Variants in GRM5 observed in about 807,000 individuals in gnomAD.
The protein encoded by GRM5 is glutamate metabotropic receptor 5, also known as metabotropic glutamate receptor 5.
Under a neutral mutation model 83.1 loss-of-function variants are expected in GRM5, and 19 were observed. That is an observed-to-expected ratio of 0.23 (90% CI 0.16 to 0.34). GRM5 has a LOEUF of 0.34. Ranked by LOEUF, GRM5 falls within the 10% of genes least tolerant of loss-of-function variation. GRM5 has a pLI of 1.00. For synonymous variants in GRM5, 675 were observed against 633.6 expected (o/e 1.07, Z -0.98); for missense variants, 1,160 against 1,588.3 (o/e 0.73, Z 4.58).
intron 3 of GRM5, among the ~76,000 whole-genome samples, chr11:88,719,463 T>C (rs953760775): frequency 2.6e-5 from 4 of 152,132 alleles, no homozygotes; most frequent in East Asian, 1.9e-4. Flanking sequence ...CAGTCTATCA[T>C]GATGGGCATT....
At chr11:88,536,992 A>C (rs959041810) in intron 8 of GRM5, among the ~76,000 whole-genome samples, 1 of 152,224 alleles carries the variant, frequency 6.6e-6, no homozygotes, top group African/African-American at 2.4e-5. Context: ...AGAAAGCTTC[A>C]CAATTTGGTC....
intron 3 of GRM5, among the ~76,000 whole-genome samples, chr11:88,839,788 CCTA>C (rs1454588057): frequency 6.6e-6 from 1 of 152,138 alleles, no homozygotes; most frequent in Non-Finnish European, 1.5e-5. Flanking sequence ...CTACTAATGG[CCTA>C]CTGTTGACCC....
chr11:89,052,131 A>G (rs1344312771), intron 1 of GRM5, among the ~76,000 whole-genome samples: 2 of 152,216 alleles, frequency 1.3e-5, no homozygotes, highest in Non-Finnish European at 2.9e-5. Flanking sequence ...TTCTTTTGCA[A>G]ATGCAAAATT....
intron 8 of GRM5, among the ~76,000 whole-genome samples, chr11:88,553,138 A>T (rs776805816): frequency 6.6e-6 from 1 of 152,156 alleles, no homozygotes; most frequent in Non-Finnish European, 1.5e-5. Flanking sequence ...CTGAAGTTGG[A>T]CTTCTGTTGT....
intron 3 of GRM5, among the ~76,000 whole-genome samples, chr11:88,684,166 A>G (rs1024442935): frequency 6.6e-6 from 1 of 152,234 alleles, no homozygotes. Flanking sequence ...CTGGAGCATA[A>G]TGTGCCAAAG....
At chr11:88,912,339 C>T (rs1465773295) in intron 2 of GRM5, among the ~76,000 whole-genome samples, 1 of 151,584 alleles carries the variant, frequency 6.6e-6, no homozygotes, top group African/African-American at 2.4e-5. Context: ...TCCTAAGGAA[C>T]TTTATTCTCT....
intron 2 of GRM5, among the ~76,000 whole-genome samples, chr11:88,974,509 T>C (rs143684720): frequency 0.02 from 3,099 of 152,222 alleles, 94 homozygotes; most frequent in African/African-American, 0.069. Flanking sequence ...TATGAATGAA[T>C]CATAAATGGA....
At chr11:88,761,646 C>A (rs181472463) in intron 3 of GRM5, among the ~76,000 whole-genome samples, 2 of 152,122 alleles carry the variant, frequency 1.3e-5, no homozygotes, top group African/African-American at 4.8e-5. Context: ...TTTATAGATT[C>A]AATGCTATTC....
At chr11:88,678,830 TTATTAGCCAGGTAAATCAA>T (rs1347402734) in intron 3 of GRM5, among the ~76,000 whole-genome samples, 1 of 152,028 alleles carries the variant, frequency 6.6e-6, no homozygotes, top group Non-Finnish European at 1.5e-5. Context: ...ATGCCAGTAT[TTATTAGCCAGGTAAATCAA>T]TATCCCAGGA....
Position 88,579,555 on chromosome 11 carries a change from T to G in GRM5, c.1690+11046A>C, listed in dbSNP as rs138618714. ...AGCAAGGACTTGAGGAAGGAAAGAA[T>G]AGTGGTCATGTGGTTATCTGCAGTA... On this transcript the variant is annotated intron_variant, in intron 7 of 9. Coordinates refer to ENST00000305447, the MANE Select transcript of GRM5 (RefSeq NM_001143831.3). Among the ~76,000 whole-genome samples, 1,121 of 152,262 alleles carry G rather than the reference T, an allele frequency of 7.4e-3. 11 individuals carry two copies. The highest frequency in any genetic ancestry group is 0.026 in the African/African-American group (1,083 of 41,558).
chr11:88,948,583 G>A (rs546545799), intron 2 of GRM5, among the ~76,000 whole-genome samples: 8 of 152,316 alleles, frequency 5.3e-5, no homozygotes, highest in African/African-American at 1.9e-4. Context: ...GTTCAAGTTT[G>A]AGAATTCATA....
At chr11:88,573,678 G>A (rs1943051459) in intron 7 of GRM5, among the ~76,000 whole-genome samples, 1 of 152,126 alleles carries the variant, frequency 6.6e-6, no homozygotes, top group Admixed American at 6.5e-5. Context: ...AACTGACAAG[G>A]GGCTGTTGTG....
chr11:88,853,199 T>C (rs945127264), intron 2 of GRM5, among the ~76,000 whole-genome samples: 1 of 152,164 alleles, frequency 6.6e-6, no homozygotes, highest in East Asian at 1.9e-4. Context: ...TAGCTCACGC[T>C]ACTTACAGGT....
At chr11:88,631,504 G>C (rs928830840) in intron 4 of GRM5, among the ~76,000 whole-genome samples, 7 of 152,062 alleles carry the variant, frequency 4.6e-5, no homozygotes, top group Admixed American at 4.6e-4. Flanking sequence ...TCCTTTCATA[G>C]GATCTTTACC....
At chr11:88,842,385 A>C (rs1373836379) in intron 3 of GRM5, among the ~76,000 whole-genome samples, 1 of 152,172 alleles carries the variant, frequency 6.6e-6, no homozygotes, top group African/African-American at 2.4e-5. Flanking sequence ...TATTAGTTCA[A>C]CTTCCCAAAA....
chr11:88,720,796 CTGTGTGTGTGTGTGTGTGTGTGTGCGTG>C (rs891860152), intron 3 of GRM5, among the ~76,000 whole-genome samples: 4 of 141,778 alleles, frequency 2.8e-5, no homozygotes, highest in Non-Finnish European at 4.6e-5. Context: ...AATCATTACT[CTGTGTGTGTGTGTGTGTGTGTGTGCGTG>C]TGTGTGTGTG....
At chr11:89,062,143 A>T (rs1181675569) in intron 1 of GRM5, among the ~76,000 whole-genome samples, 4 of 152,234 alleles carry the variant, frequency 2.6e-5, no homozygotes, top group African/African-American at 9.6e-5. Context: ...TTTAAATGGA[A>T]ATAAACATGC....
chr11:88,714,350 A>G (rs759264260), intron 3 of GRM5, among the ~76,000 whole-genome samples: 3 of 152,000 alleles, frequency 2.0e-5, no homozygotes, highest in Non-Finnish European at 4.4e-5. Context: ...TCAGGCATGC[A>G]TAAAGGTGGT....
At chr11:89,051,960 CTG>C (rs1941770572) in intron 1 of GRM5, among the ~76,000 whole-genome samples, 2 of 152,272 alleles carry the variant, frequency 1.3e-5, no homozygotes, top group East Asian at 3.9e-4. Flanking sequence ...GTTGAATCAA[CTG>C]TATTTGCTGA....
Sources: allele counts gnomAD v4.1 joint callset (sites outside exome capture counted in the v4.1 genomes callset), GRCh38; gene constraint gnomAD v4.1.1; transcripts MANE v1.5; gene names NCBI Gene and HGNC (gene_info 2026-07-23, HGNC 2026-07-21).